The following EPHA7 variants were observed in gnomAD, a reference collection of about 807,000 sequenced individuals.
EPHA7 encodes the protein ephrin type-A receptor 7.
EPHA7 carries 25 observed loss-of-function variants against 112.6 expected under a neutral mutation model. The observed-to-expected ratio is 0.22, with a 90% CI of 0.16 to 0.31. The LOEUF (loss-of-function observed/expected upper bound fraction) is 0.31. Among genes scored for constraint, EPHA7 ranks in the 10% least tolerant of loss-of-function variants. The pLI is 1.00. For synonymous variants in EPHA7, 437 were observed against 406.5 expected (o/e 1.07, Z -0.90); for missense variants, 962 against 1,212.6 (o/e 0.79, Z 3.07).
chr6:93,281,028 C>G (rs1562065036), intron 5 of EPHA7, among the ~76,000 whole-genome samples: 1 of 151,990 alleles, frequency 6.6e-6, no homozygotes, highest in Non-Finnish European at 1.5e-5. Context: ...GGTGGGATAC[C>G]AGCACTCTCC....
intron 14 of EPHA7, among the ~76,000 whole-genome samples, chr6:93,251,493 C>A (rs1330067506): frequency 7.1e-6 from 1 of 141,006 alleles, no homozygotes; most frequent in African/African-American, 2.5e-5. Flanking sequence ...TTTAAAAATA[C>A]TTTTTTCTTA....
At chr6:93,296,627 G>A (rs368212339) in intron 5 of EPHA7, among the ~76,000 whole-genome samples, 1 of 151,332 alleles carries the variant, frequency 6.6e-6, no homozygotes, top group Non-Finnish European at 1.5e-5. Context: ...TTGCTTACAC[G>A]TGGAATCTAA....
chr6:93,279,058 T>C (rs948036473), intron 5 of EPHA7, among the ~76,000 whole-genome samples: 3 of 152,046 alleles, frequency 2.0e-5, no homozygotes, highest in African/African-American at 7.2e-5. Context: ...TGAGCAGAGA[T>C]TTTTTAAATG....
In EPHA7 at chr6:93,376,138, G is replaced by A. The variant is rs531600257; in HGVS notation, c.833-17727C>T. Among the ~76,000 whole-genome samples the A allele has an allele frequency of 4.6e-5, 7 of 151,978 alleles. No individual in the cohort carries two copies. In the East Asian group the frequency reaches 1.2e-3, roughly 25 times the overall value. ...CAGGGGACACATTTTTTTGTGTGGG[G>A]TTTCATTTTCTTTTTCTTTTTTTGA... On this transcript the variant is annotated intron_variant, in intron 3 of 16. Transcript: ENST00000369303.
At chr6:93,347,332 T>A (rs975393016) in intron 5 of EPHA7, among the ~76,000 whole-genome samples, 2 of 151,816 alleles carry the variant, frequency 1.3e-5, no homozygotes, top group Non-Finnish European at 1.5e-5. Flanking sequence ...CTGGCTCTGT[T>A]AAAAAATAAA....
At chr6:93,270,406 A>G (rs1456007894) in intron 6 of EPHA7, among the ~76,000 whole-genome samples, 2 of 151,582 alleles carry the variant, frequency 1.3e-5, no homozygotes, top group African/African-American at 2.4e-5. Flanking sequence ...ATATAGTAAG[A>G]TTAAGAAGGG....
chr6:93,405,885 T>C (rs1433260214), intron 3 of EPHA7, among the ~76,000 whole-genome samples: 1 of 145,296 alleles, frequency 6.9e-6, no homozygotes, highest in African/African-American at 2.5e-5. Flanking sequence ...GACTCATTTG[T>C]TATGAAAATT....
At chr6:93,352,274 G>C (rs184891004) in intron 5 of EPHA7, among the ~76,000 whole-genome samples, 1 of 152,154 alleles carries the variant, frequency 6.6e-6, no homozygotes, top group Non-Finnish European at 1.5e-5. Context: ...GAAAGAAACA[G>C]CATTTTTTGA....
At chr6:93,354,073 A>G in intron 5 of EPHA7, among the ~76,000 whole-genome samples, 1 of 152,098 alleles carries the variant, frequency 6.6e-6, no homozygotes, top group East Asian at 1.9e-4. Context: ...GAGGAAGATA[A>G]CCAACCAGAA....
At chr6:93,273,306 T>C (rs1389078898) in intron 5 of EPHA7, among the ~76,000 whole-genome samples, 4 of 151,908 alleles carry the variant, frequency 2.6e-5, no homozygotes, top group Non-Finnish European at 4.4e-5. Flanking sequence ...TTGGCTGAAT[T>C]TCAGTGGGGT....
chr6:93,303,103 A>T (rs1261500306), intron 5 of EPHA7, among the ~76,000 whole-genome samples: 2 of 152,078 alleles, frequency 1.3e-5, no homozygotes, highest in Non-Finnish European at 2.9e-5. Flanking sequence ...GCACATGAAA[A>T]ACCTAACTGC....
chr6:93,306,938 T>G (rs2127858157), intron 5 of EPHA7, among the ~76,000 whole-genome samples: 1 of 152,082 alleles, frequency 6.6e-6, no homozygotes, highest in Admixed American at 6.6e-5. Context: ...TAGTAGCAAT[T>G]ATAATTAATT....
chr6:93,349,230 T>C (rs1257428130), intron 5 of EPHA7, among the ~76,000 whole-genome samples: 1 of 151,834 alleles, frequency 6.6e-6, no homozygotes, highest in Non-Finnish European at 1.5e-5. Context: ...AATAAAAATG[T>C]AAATGTATCT....
At chr6:93,413,133 G>A (rs908863112) in intron 2 of EPHA7, among the ~76,000 whole-genome samples, 3 of 151,774 alleles carry the variant, frequency 2.0e-5, no homozygotes, top group African/African-American at 4.8e-5. Context: ...TTTATAGTAC[G>A]TTTATAGAAA....
At chr6:93,259,247 G>C in intron 10 of EPHA7, 107 bp downstream of exon 10, 1 of 1,402,922 alleles carries the variant, frequency 7.1e-7, no homozygotes, top group South Asian at 1.3e-5. Flanking sequence ...TCAGGTAAAT[G>C]CAAAAGTTCT....
At chr6:93,290,632 GTTAA>G (rs1772310722) in intron 5 of EPHA7, among the ~76,000 whole-genome samples, 1 of 151,774 alleles carries the variant, frequency 6.6e-6, no homozygotes, top group Admixed American at 6.6e-5. Flanking sequence ...TTAGCTTTAG[GTTAA>G]TTATTCAGTT....
At chr6:93,347,993 C>A (rs143875877) in intron 5 of EPHA7, among the ~76,000 whole-genome samples, 20 of 151,950 alleles carry the variant, frequency 1.3e-4, no homozygotes, top group African/African-American at 4.8e-4. Flanking sequence ...TGAGACGCAA[C>A]TTAAAACACT....
At chr6:93,250,698 T>G (rs1770169874) in intron 14 of EPHA7, among the ~76,000 whole-genome samples, 1 of 152,132 alleles carries the variant, frequency 6.6e-6, no homozygotes, top group African/African-American at 2.4e-5. Flanking sequence ...TCTTAGAGGA[T>G]TATGTAACTG....
intron 14 of EPHA7, among the ~76,000 whole-genome samples, chr6:93,248,956 T>C (rs1770084206): frequency 2.6e-5 from 4 of 152,224 alleles, no homozygotes; most frequent in Admixed American, 2.0e-4. Context: ...TATATATACA[T>C]ATCCCTGAAG....
Sources: gnomAD v4.1 joint callset for allele counts (sites outside exome capture counted in the v4.1 genomes callset) on GRCh38, gnomAD v4.1.1 for gene constraint, MANE v1.5 for transcripts, NCBI Gene and HGNC (gene_info 2026-07-23, HGNC 2026-07-21) for gene names.